The following NEUROD1 variants were observed in gnomAD, a reference collection of about 807,000 sequenced individuals.
The protein encoded by NEUROD1 is neurogenic differentiation factor 1.
A neutral mutation model predicts 21.8 loss-of-function variants in NEUROD1; 9 were observed. That is an observed-to-expected ratio of 0.41 (90% CI 0.25 to 0.72). NEUROD1 has a LOEUF of 0.72. NEUROD1 is among the 30% of genes least tolerant of loss of function. The probability of loss-of-function intolerance (pLI) is 0.31; values close to 1 mark genes in which losing one functional copy is unlikely to be tolerated. For synonymous variants in NEUROD1, 199 were observed against 186.2 expected (o/e 1.07, Z -0.56); for missense variants, 434 against 468.8 (o/e 0.93, Z 0.69).
rs1382017135 is a variant in NEUROD1 at position 181,678,819 on chromosome 2, A to C, written c.42T>G (p.Pro14=). The C allele has an allele frequency of 6.2e-7, 1 of 1,614,106 alleles. No homozygotes were observed. Among genetic ancestry groups the C allele is most frequent in the Admixed American group, 1.7e-5 (1 of 60,024 alleles). Residue 14 remains proline, a synonymous_variant, in exon 2 of 2, where the codon CCT becomes CCG. Coordinates refer to ENST00000295108, the MANE Select transcript of NEUROD1 (RefSeq NM_002500.5). This position sits in a 1 kb window ranked among gnomAD's most constrained non-coding sequence, Gnocchi z 5.5. ...TCCAGCTTGGAGGACCTTGGGGCTG[A>C]GGCTCGCCCATCAGCCCACTCTCGC... ...SYSESGLMGE[P]QPQGPPSWTD... is the part of the protein sequence containing the mutation.
At chr2:181,671,879 A>G (rs1052927310), downstream of NEUROD1, among the ~76,000 whole-genome samples, 5 of 152,200 alleles carry the variant, frequency 3.3e-5, no homozygotes, top group Non-Finnish European at 7.3e-5. Context: ...AAGCATTGCA[A>G]TACCCCTTCA....
chr2:181,675,379 A>G (rs1688553848), downstream of NEUROD1, among the ~76,000 whole-genome samples: 1 of 152,176 alleles, frequency 6.6e-6, no homozygotes, highest in African/African-American at 2.4e-5. Context: ...GTTCCTGTCC[A>G]TTACATTACT....
Position 181,677,764 on chromosome 2 carries a change from C to A in NEUROD1, c.*26G>T, listed in dbSNP as rs1688607354. On this transcript the variant is annotated 3_prime_UTR_variant, in exon 2 of 2. Coordinates refer to ENST00000295108, the MANE Select transcript of NEUROD1 (RefSeq NM_002500.5). ...ACTGTAAGCACAGTGGGTTCGTTTC[C>A]CGGAAATGGTGAAACTGGCGTGCCT... 10 of 1,613,818 alleles carry A rather than the reference C, an allele frequency of 6.2e-6. No homozygotes were observed. The South Asian group carries it at 7.7e-5, about 12-fold the overall frequency.
chr2:181,678,663 C>T lies in NEUROD1; in HGVS notation c.198G>A (p.Leu66=). Residue 66 remains leucine (L), a synonymous_variant, in exon 2 of 2, where the codon CTG becomes CTA. Transcript: ENST00000295108. This position sits in a 1 kb window ranked among gnomAD's most constrained non-coding sequence, Gnocchi z 5.5. ...CCTCTTCCTCTTCTTCCTCCTCTTC[C>T]AGGTCCTCATCTTCGTCCTCCTCCT... The part of the protein sequence containing the change: ...GGEEEDEDED[L]EEEEEEEEED... 6.2e-7 allele frequency: 1 copy of T among 1,612,824 alleles called. No individual in the cohort carries two copies. Among genetic ancestry groups the T allele is most frequent in the Non-Finnish European group, 8.5e-7 (1 of 1,179,350 alleles).
At chr2:181,676,164 A>T (rs1037796243), downstream of NEUROD1, among the ~76,000 whole-genome samples, 2 of 152,192 alleles carry the variant, frequency 1.3e-5, no homozygotes, top group African/African-American at 4.8e-5. Flanking sequence ...AATCATTTTT[A>T]AAAATGGAAA....
chr2:181,677,871 T>C lies in NEUROD1; in HGVS notation c.990A>G (p.Ile330Met), dbSNP rs2105593985. The C allele has an allele frequency of 2.5e-6, 4 of 1,614,186 alleles. No homozygotes were observed. The East Asian group carries it at 8.9e-5, about 36-fold the overall frequency. The part of the protein sequence containing the change: ...GTAAPRCEIP[I>M]DNIMSFDSHS... ...GGCTATCGAAGGACATAATATTGTC[T>C]ATGGGGATCTCGCAGCGAGGGGCAG... Residue 330 changes from isoleucine to methionine, a missense_variant, in exon 2 of 2, where the codon ATA becomes ATG. Coordinates refer to ENST00000295108, the MANE Select transcript of NEUROD1 (RefSeq NM_002500.5).
chr2:181,671,971 G>T (rs1688505984), downstream of NEUROD1, among the ~76,000 whole-genome samples: 1 of 152,132 alleles, frequency 6.6e-6, no homozygotes, highest in Non-Finnish European at 1.5e-5. Flanking sequence ...GATGTGCTAA[G>T]TTTATACACT....
chr2:181,675,403 A>T (rs867080524), downstream of NEUROD1, among the ~76,000 whole-genome samples: 12 of 152,268 alleles, frequency 7.9e-5, no homozygotes, highest in South Asian at 2.5e-3. Flanking sequence ...ATTTTTCTGG[A>T]GCAGCTTGCT....
downstream of NEUROD1, among the ~76,000 whole-genome samples, chr2:181,672,857 G>A: frequency 6.6e-6 from 1 of 152,170 alleles, no homozygotes; most frequent in East Asian, 1.9e-4. Context: ...CATCTCTCTG[G>A]TTGGCTGTCC....
downstream of NEUROD1, among the ~76,000 whole-genome samples, chr2:181,675,747 G>A (rs997695692): frequency 1.3e-5 from 2 of 151,872 alleles, no homozygotes; most frequent in African/African-American, 4.8e-5. Context: ...GTGCCCCAAA[G>A]GGTGGGGGGA....
At chr2:181,680,279 G>A (rs950541878) in intron 1 of NEUROD1, among the ~76,000 whole-genome samples, 151 bp downstream of exon 1, 14 of 152,194 alleles carry the variant, frequency 9.2e-5, no homozygotes, top group Non-Finnish European at 2.1e-4. Flanking sequence ...GACTCATTAT[G>A]TGTGAGTACT....
At chr2:181,675,483 G>T (rs1016511314), downstream of NEUROD1, among the ~76,000 whole-genome samples, 1 of 152,138 alleles carries the variant, frequency 6.6e-6, no homozygotes, top group Non-Finnish European at 1.5e-5. Context: ...AGCTTGGGAA[G>T]GGGGGTAGTC....
chr2:181,678,836 C>G lies in NEUROD1; in HGVS notation c.25G>C (p.Gly9Arg). MTKSYSES[G>R]LMGEPQPQGP... Reference sequence around the variant, plus strand: ...TGGGGCTGAGGCTCGCCCATCAGCCCACTCTCGCTGTACGATTTGGTCATG... The same window carrying G: ...TGGGGCTGAGGCTCGCCCATCAGCCGACTCTCGCTGTACGATTTGGTCATG... The change falls in exon 2 of 2, where the codon GGG becomes CGG. Residue 9 changes from glycine (G) to arginine (R), a missense_variant. Coordinates refer to ENST00000295108, the MANE Select transcript of NEUROD1 (RefSeq NM_002500.5). This position sits in a 1 kb window ranked among gnomAD's most constrained non-coding sequence, Gnocchi z 5.5. 4 of 1,614,100 alleles carry G rather than the reference C, an allele frequency of 2.5e-6. No individual in the cohort carries two copies.
Position 181,677,656 on chromosome 2 carries a change from A to C in NEUROD1, c.*134T>G. On this transcript the variant is annotated 3_prime_UTR_variant, in exon 2 of 2. Coordinates refer to ENST00000295108, the MANE Select transcript of NEUROD1 (RefSeq NM_002500.5). Reference sequence around the variant, plus strand: ...CTTCCAAAGGCAGTAATGACAATAAATACATATATCACTTGAAGCTTGGAG... The same window carrying C: ...CTTCCAAAGGCAGTAATGACAATAACTACATATATCACTTGAAGCTTGGAG... 1 of 1,516,302 alleles carries C rather than the reference A, an allele frequency of 6.6e-7. No individual in the cohort carries two copies. Among genetic ancestry groups the C allele is most frequent in the South Asian group, 1.2e-5 (1 of 84,990 alleles). 93.9% of individuals were successfully genotyped at this position (1,516,302 alleles called of 1,614,324 possible).
Position 181,678,624 on chromosome 2 carries a change from TTGATCG to T in NEUROD1, c.231_236del (p.Asp77_Gln79delinsGlu), listed in dbSNP as rs1292548924. 2 of 1,614,118 alleles carry T rather than the reference TTGATCG, an allele frequency of 1.2e-6. No individual in the cohort carries two copies. The highest frequency in any genetic ancestry group is 1.7e-6 in the Non-Finnish European group (2 of 1,179,998). On this transcript the variant is annotated inframe_deletion, in exon 2 of 2. Transcript: ENST00000295108. This position sits in a 1 kb window ranked among gnomAD's most constrained non-coding sequence, Gnocchi z 5.5. ...TTTTGGGGCCGCGTCTCTTGGGCTT[TTGATCG>T]TCATCCTCCTCTTCCTCTTCTTCCT...
At chr2:181,673,682 T>C (rs1688528324), downstream of NEUROD1, 1 of 152,212 alleles carries the variant, frequency 6.6e-6, no homozygotes, top group African/African-American at 2.4e-5. Flanking sequence ...TAGGAGAAAA[T>C]TAGCCAATAT....
chr2:181,669,881 C>G (rs944795272), downstream of NEUROD1, among the ~76,000 whole-genome samples: 6 of 152,084 alleles, frequency 3.9e-5, no homozygotes, highest in Admixed American at 3.9e-4. Flanking sequence ...GACAAATAAT[C>G]AGATGAAAGC....
In NEUROD1 at chr2:181,677,942, T is replaced by G. The variant is rs1688613606; in HGVS notation, c.919A>C (p.Thr307Pro). The change falls in exon 2 of 2, where the codon ACA becomes CCA. Residue 307 changes from threonine (T) to proline (P), a missense_variant. Thr to Pro is a conservative substitution (Grantham distance 38). Coordinates refer to ENST00000295108, the MANE Select transcript of NEUROD1 (RefSeq NM_002500.5). ...YAFTMHYPAATLAGAQSHGSI... is the reference protein window; with the variant it reads ...YAFTMHYPAAPLAGAQSHGSI... ...CCGTGGCTTTGGGCCCCTGCCAGTG[T>G]CGCTGCAGGATAGTGCATGGTAAAG... 6.2e-7 allele frequency: 1 copy of G among 1,614,058 alleles called. No homozygotes were observed. The highest frequency in any genetic ancestry group is 1.1e-5 in the South Asian group (1 of 91,092).
Position 181,678,272 on chromosome 2 carries a change from G to T in NEUROD1, c.589C>A (p.Pro197Thr). ...CLQLNPRTFL[P>T]EQNQDMPPHL... ...GGGGGCATGTCCTGGTTCTGCTCAG[G>T]CAGAAAAGTCCGAGGATTGAGTTGC... is the stretch of plus-strand genomic sequence containing the variant. The change falls in exon 2 of 2, where the codon CCT (proline) becomes ACT (threonine). Residue 197 changes from proline to threonine, a missense_variant. Pro to Thr is a conservative substitution (Grantham distance 38, BLOSUM62 -1). Coordinates refer to ENST00000295108, the MANE Select transcript of NEUROD1 (RefSeq NM_002500.5). The surrounding 1 kb of genome is among the most constrained non-coding windows in gnomAD (Gnocchi z 5.5). The T allele has an allele frequency of 6.2e-7, 1 of 1,614,144 alleles. No homozygotes were observed. Among genetic ancestry groups the T allele is most frequent in the Non-Finnish European group, 8.5e-7 (1 of 1,180,030 alleles).
Sources: allele counts gnomAD v4.1 joint callset (sites outside exome capture counted in the v4.1 genomes callset), GRCh38; gene constraint gnomAD v4.1.1; non-coding constraint Gnocchi (gnomAD v3.1); transcripts MANE v1.5; gene names NCBI Gene and HGNC (gene_info 2026-07-23, HGNC 2026-07-21).